The following ABLIM2 variants were observed in gnomAD, a reference collection of about 807,000 sequenced individuals.
The protein encoded by ABLIM2 is actin binding LIM protein family member 2.
Under a neutral mutation model 97.7 loss-of-function variants are expected in ABLIM2, and 53 were observed. The ratio of observed to expected loss-of-function variants is 0.54; its 90% CI spans 0.44 to 0.68. The LOEUF is 0.68. Ranked by LOEUF, ABLIM2 falls within the 30% of genes least tolerant of loss-of-function variation. The pLI, the probability that ABLIM2 is intolerant of heterozygous loss-of-function variation, is 0.00. For synonymous variants in ABLIM2, 361 were observed against 345.8 expected (o/e 1.04, Z -0.49); for missense variants, 835 against 867.2 (o/e 0.96, Z 0.47).
At position 8,146,667 on chromosome 4, in the gene ABLIM2, G is replaced by T. The variant is rs561057589; in HGVS notation, c.10+12013C>A. Among the ~76,000 whole-genome samples, 4 of 152,230 alleles carry T rather than the reference G, an allele frequency of 2.6e-5. No homozygotes were observed. In the East Asian group the frequency reaches 7.7e-4, roughly 29 times the overall value. On this transcript the variant is annotated intron_variant, in intron 1 of 20. Transcript: ENST00000447017. ...CGATCCTCCTGCCTCAGCCTCCAGA[G>T]TAGCTGGGACTAGGCACATGCCCAG...
rs1050922665 is a variant in ABLIM2, at chr4:8,044,135, C to T, written c.900+1029G>A. ...GGTCGAAAAGAAGCACAGCAGACAG[C>T]AGATCCAATAAACTGTCTTAAAGTT... On this transcript the variant is annotated intron_variant, in intron 9 of 20. Coordinates refer to ENST00000447017, the MANE Select transcript of ABLIM2 (RefSeq NM_001130083.2). This position sits in a 1 kb window ranked among gnomAD's most constrained non-coding sequence, Gnocchi z 4.4. Among the ~76,000 whole-genome samples the T allele has an allele frequency of 1.3e-5, 2 of 152,182 alleles. No homozygotes were observed. The highest frequency in any genetic ancestry group is 4.8e-5 in the African/African-American group (2 of 41,446).
At chr4:7,993,185 T>C (rs1560472151) in intron 16 of ABLIM2, among the ~76,000 whole-genome samples, 1 of 152,234 alleles carries the variant, frequency 6.6e-6, no homozygotes, top group Non-Finnish European at 1.5e-5. Context: ...AGCTGGCCCC[T>C]GTGTTCAGGG....
intron 3 of ABLIM2, among the ~76,000 whole-genome samples, chr4:8,089,760 CT>C (rs1826146658): frequency 6.7e-6 from 1 of 148,578 alleles, no homozygotes; most frequent in South Asian, 2.1e-4. Flanking sequence ...AAAAAAGCCC[CT>C]GCTCAAACAC....
chr4:8,092,296 C>G (rs188289674), intron 3 of ABLIM2, among the ~76,000 whole-genome samples: 2 of 152,136 alleles, frequency 1.3e-5, no homozygotes, highest in Admixed American at 1.3e-4. Context: ...CCACACCTGG[C>G]CCATTTGTAT....
chr4:8,085,160 G>A lies in ABLIM2; in HGVS notation c.454+3009C>T, dbSNP rs112621635. ...GCAGCAGAGGGAAGCTCAGGGCCAC[G>A]GGACTCAAGCTTGAGCTCTGCCTCA... On this transcript the variant is annotated intron_variant, in intron 4 of 20. Coordinates refer to ENST00000447017, the MANE Select transcript of ABLIM2 (RefSeq NM_001130083.2). The surrounding 1 kb of genome is among the most constrained non-coding windows in gnomAD (Gnocchi z 6.1). Among the ~76,000 whole-genome samples, 4 of 152,192 alleles carry A rather than the reference G, an allele frequency of 2.6e-5. No homozygotes were observed. Among genetic ancestry groups the A allele is most frequent in the African/African-American group, 7.2e-5 (3 of 41,534 alleles).
chr4:7,984,839 C>A lies in ABLIM2; in HGVS notation c.1735G>T (p.Glu579Ter). ...CCCACAGGGTCCCCGCTCTGTGTAC[C>A]TCGCATGCCCCAGCTGGCATCCGGG... The part of the protein sequence containing the change: ...ADPDASWGMR[E>*]YKIYPYDSLI... The change falls in exon 18 of 21, where the codon GAA (glutamate) becomes TAA (stop). Residue 579 changes from glutamate (E) to a stop codon, truncating the protein, a stop_gained and splice_region_variant. Coordinates refer to ENST00000447017, the MANE Select transcript of ABLIM2 (RefSeq NM_001130083.2). LOFTEE classifies it high-confidence loss of function. 1 of 1,599,638 alleles carries A rather than the reference C, an allele frequency of 6.3e-7. No individual in the cohort carries two copies.
chr4:8,094,138 CA>C (rs1323616529), intron 3 of ABLIM2, among the ~76,000 whole-genome samples: 2 of 152,154 alleles, frequency 1.3e-5, no homozygotes, highest in African/African-American at 4.8e-5. Flanking sequence ...CCACTTCGGC[CA>C]TTGTATTTTT....
In ABLIM2 at chr4:8,123,065, C is replaced by T. The variant is rs1846195510; in HGVS notation, c.11-16428G>A. On this transcript the variant is annotated intron_variant, in intron 1 of 20. Transcript: ENST00000447017. The surrounding 1 kb of genome is among the most constrained non-coding windows in gnomAD (Gnocchi z 6.2). ...CTGCTCTTCCTGGCATGAAGCAGTC[C>T]CCTGTGCGTGGTTAATGCCCTCAAA... Among the ~76,000 whole-genome samples the T allele has an allele frequency of 2.6e-5, 4 of 152,204 alleles. No individual in the cohort carries two copies. The highest frequency in any genetic ancestry group is 1.3e-4 in the Admixed American group (2 of 15,286).
intron 16 of ABLIM2, among the ~76,000 whole-genome samples, chr4:7,997,012 C>A (rs1753789827): frequency 6.6e-6 from 1 of 152,094 alleles, no homozygotes; most frequent in Admixed American, 6.6e-5. Flanking sequence ...GTTTCTGGAA[C>A]TTGTAGGTTT....
Position 8,015,967 on chromosome 4 carries a change from G to A in ABLIM2, c.1423+3651C>T, listed in dbSNP as rs150029020. Among the ~76,000 whole-genome samples the A allele has an allele frequency of 1.8e-3, 277 of 151,248 alleles. 1 individual carries two copies. Among genetic ancestry groups the A allele is most frequent in the African/African-American group, 6.4e-3 (263 of 41,128 alleles). ...ATCACCACACTTCCTCATTTTATAA[G>A]TTCAAATCAGATATGAGACGATCGT... On this transcript the variant is annotated intron_variant, in intron 14 of 20. Coordinates refer to ENST00000447017, the MANE Select transcript of ABLIM2 (RefSeq NM_001130083.2). The surrounding 1 kb of genome is among the most constrained non-coding windows in gnomAD (Gnocchi z 4.6).
Position 8,046,145 on chromosome 4 carries a change from G to A in ABLIM2, c.823-904C>T, listed in dbSNP as rs1338579586. ...GGACCTGTGTCCTCCTTACATGCTCGCTGCTGTCTGGGGCCACTCCTCCCT... is the reference window on the plus strand; with the variant it reads ...GGACCTGTGTCCTCCTTACATGCTCACTGCTGTCTGGGGCCACTCCTCCCT... On this transcript the variant is annotated intron_variant, in intron 8 of 20. Transcript: ENST00000447017. The surrounding 1 kb of genome is among the most constrained non-coding windows in gnomAD (Gnocchi z 4.4). 6.6e-6 allele frequency among the ~76,000 whole-genome samples: 1 copy of A among 152,052 alleles called. No individual in the cohort carries two copies. The highest frequency in any genetic ancestry group is 1.5e-5 in the Non-Finnish European group (1 of 68,008).
At chr4:7,995,523 G>A (rs529668520) in intron 16 of ABLIM2, among the ~76,000 whole-genome samples, 38 of 152,298 alleles carry the variant, frequency 2.5e-4, no homozygotes, top group African/African-American at 8.2e-4. Flanking sequence ...CTTTCATTTG[G>A]GGGTTCCTCA....
chr4:8,035,419 G>A (rs757282495), intron 10 of ABLIM2, among the ~76,000 whole-genome samples: 1 of 152,186 alleles, frequency 6.6e-6, no homozygotes, highest in Admixed American at 6.5e-5. Flanking sequence ...AGGGAAACGT[G>A]TTTGAAAGGA....
In ABLIM2 at chr4:8,095,158, C is replaced by T. The variant is rs1206766727; in HGVS notation, c.338+1941G>A. Among the ~76,000 whole-genome samples the T allele has an allele frequency of 6.6e-6, 1 of 151,540 alleles. No individual in the cohort carries two copies. The highest frequency in any genetic ancestry group is 2.4e-5 in the African/African-American group (1 of 41,128). On this transcript the variant is annotated intron_variant, in intron 3 of 20. Transcript: ENST00000447017. This position sits in a 1 kb window ranked among gnomAD's most constrained non-coding sequence, Gnocchi z 4.7. ...TTGCTCTGTTACCCAGGCTGGAGAGCAGTGGTGCAATCATAGCTCACTGCA... is the reference window on the plus strand; with the variant it reads ...TTGCTCTGTTACCCAGGCTGGAGAGTAGTGGTGCAATCATAGCTCACTGCA...
At chr4:8,143,459 C>T (rs899690102) in intron 1 of ABLIM2, among the ~76,000 whole-genome samples, 3 of 152,080 alleles carry the variant, frequency 2.0e-5, no homozygotes, top group Middle Eastern at 6.3e-3. Flanking sequence ...GGTCAGGGCA[C>T]GGATGAAATT....
rs376270214 is a variant in ABLIM2, at chr4:8,004,699, C to T, written c.1618+3360G>A. Among the ~76,000 whole-genome samples the T allele has an allele frequency of 1.0e-3, 157 of 152,290 alleles. No homozygotes were observed. Among genetic ancestry groups the T allele is most frequent in the African/African-American group, 3.5e-3 (147 of 41,542 alleles). The stretch of plus-strand genomic sequence containing the variant: ...ACCTTGTGTTCCTCCCCCAAGGCAG[C>T]GAGTCTTGTTCTAGAAAACTTCCTA... On this transcript the variant is annotated intron_variant, in intron 16 of 20. Coordinates refer to ENST00000447017, the MANE Select transcript of ABLIM2 (RefSeq NM_001130083.2). The surrounding 1 kb of genome is among the most constrained non-coding windows in gnomAD (Gnocchi z 5.9).
In ABLIM2 at chr4:8,155,377, G is replaced by C. The variant is rs371537252; in HGVS notation, c.10+3303C>G. On this transcript the variant is annotated intron_variant, in intron 1 of 20. Transcript: ENST00000447017. This position sits in a 1 kb window ranked among gnomAD's most constrained non-coding sequence, Gnocchi z 4.2. Reference sequence around the variant, plus strand: ...AGTCTGGGGACTAGGGCTCAGGTTCGGGCTCTGCCACATCCTCTCCTTGGC... The same window carrying C: ...AGTCTGGGGACTAGGGCTCAGGTTCCGGCTCTGCCACATCCTCTCCTTGGC... 2.3e-4 allele frequency among the ~76,000 whole-genome samples: 35 copies of C among 152,256 alleles called. No individual in the cohort carries two copies. In the South Asian group the frequency reaches 5.8e-3, roughly 25 times the overall value.
intron 7 of ABLIM2, among the ~76,000 whole-genome samples, chr4:8,057,962 T>G (rs961587973): frequency 2.0e-5 from 3 of 152,184 alleles, no homozygotes; most frequent in Non-Finnish European, 4.4e-5. Flanking sequence ...ACACAGCTGG[T>G]CAGACCTGTC....
chr4:8,081,028 A>G (rs983538044), intron 4 of ABLIM2, among the ~76,000 whole-genome samples: 5 of 152,202 alleles, frequency 3.3e-5, no homozygotes, highest in Non-Finnish European at 7.3e-5. Context: ...CACTGACTGC[A>G]TGCAGCCTGG....
Sources: gnomAD v4.1 joint callset for allele counts (sites outside exome capture counted in the v4.1 genomes callset) on GRCh38, gnomAD v4.1.1 for gene constraint, Gnocchi (gnomAD v3.1) non-coding constraint, MANE v1.5 for transcripts, NCBI Gene and HGNC (gene_info 2026-07-23, HGNC 2026-07-21) for gene names.